ROBO2: variants seen among roughly 807,000 people sequenced by gnomAD.
ROBO2 encodes the protein roundabout guidance receptor 2, also known as roundabout homolog 2.
Under a neutral mutation model 160.8 loss-of-function variants are expected in ROBO2, and 53 were observed. The observed-to-expected ratio is 0.33, with a 90% CI of 0.26 to 0.41. ROBO2 has a LOEUF of 0.41. Among genes scored for constraint, ROBO2 ranks in the 10% least tolerant of loss-of-function variants. The pLI is 1.00. For missense variants in ROBO2, 1,577 were observed against 1,722.4 expected, an observed-to-expected ratio of 0.92 and a Z score of 1.49; for synonymous variants, 664 against 611.7, an observed-to-expected ratio of 1.09 and a Z score of -1.26.
chr3:77,522,645 G>A (rs2090722238), intron 5 of ROBO2, 130 bp from the exon 6 acceptor site: 1 of 880,496 alleles, frequency 1.1e-6, no homozygotes, highest in Non-Finnish European at 1.8e-6. Context: ...GCACTTTGTG[G>A]CTGATTTGTG....
chr3:77,637,426 T>A (rs1430268660), intron 24 of ROBO2, among the ~76,000 whole-genome samples: 1 of 152,220 alleles, frequency 6.6e-6, no homozygotes, highest in African/African-American at 2.4e-5. Flanking sequence ...CCGGTTTACT[T>A]ATCTTTCCTG....
chr3:76,904,766 C>T (rs2075477485), intron 2 of ROBO2, among the ~76,000 whole-genome samples: 1 of 152,102 alleles, frequency 6.6e-6, no homozygotes, highest in Non-Finnish European at 1.5e-5. Context: ...GTGAGCCTTT[C>T]CCACGCAAAG....
At chr3:76,129,844 A>G (rs1474709377) in intron 2 of ROBO2, among the ~76,000 whole-genome samples, 1 of 151,968 alleles carries the variant, frequency 6.6e-6, no homozygotes, top group Non-Finnish European at 1.5e-5. Flanking sequence ...TTCCCGTCCT[A>G]GCACCAGGAT....
intron 2 of ROBO2, chr3:77,316,723 T>A (rs551956316): frequency 5.4e-4 from 480 of 893,754 alleles, no homozygotes; most frequent in Non-Finnish European, 7.3e-4. Flanking sequence ...TGCAAAATAG[T>A]TTAAATTAAA....
At chr3:77,344,043 T>C (rs764671785) in intron 2 of ROBO2, among the ~76,000 whole-genome samples, 1 of 152,084 alleles carries the variant, frequency 6.6e-6, no homozygotes, top group Non-Finnish European at 1.5e-5. Flanking sequence ...TAATAAATGA[T>C]TAGTAAATAA....
At chr3:76,225,669 G>T (rs192207199) in intron 2 of ROBO2, among the ~76,000 whole-genome samples, 4 of 151,948 alleles carry the variant, frequency 2.6e-5, no homozygotes, top group African/African-American at 9.7e-5. Flanking sequence ...AGCCAAGATC[G>T]CACCACTGCA....
At chr3:76,298,462 G>T (rs1709194827) in intron 2 of ROBO2, among the ~76,000 whole-genome samples, 2 of 152,120 alleles carry the variant, frequency 1.3e-5, no homozygotes, top group South Asian at 2.1e-4. Context: ...GATGAGGGAG[G>T]TTGTTTGAAA....
chr3:77,629,545 A>C (rs1161228858), intron 23 of ROBO2: 8 of 152,212 alleles, frequency 5.3e-5, no homozygotes, highest in Non-Finnish European at 1.2e-4. Context: ...CACTCCAAAG[A>C]AACTTAGCTG....
intron 24 of ROBO2, among the ~76,000 whole-genome samples, chr3:77,642,457 A>G (rs774681875): frequency 6.6e-6 from 1 of 152,188 alleles, no homozygotes; most frequent in African/African-American, 2.4e-5. Context: ...GTTGAATAAA[A>G]CTAGTCAATT....
intron 2 of ROBO2, among the ~76,000 whole-genome samples, chr3:76,127,050 C>T (rs1026573045): frequency 1.4e-4 from 22 of 152,136 alleles, no homozygotes; most frequent in African/African-American, 5.3e-4. Flanking sequence ...ATTCTATCAT[C>T]AAATACTATT....
intron 2 of ROBO2, among the ~76,000 whole-genome samples, chr3:76,611,244 T>G (rs2109080923): frequency 6.6e-6 from 1 of 152,224 alleles, no homozygotes; most frequent in Middle Eastern, 3.4e-3. Flanking sequence ...GAAGGTCAGA[T>G]TTCACTGAGG....
chr3:76,308,968 A>G (rs1391992450), intron 2 of ROBO2, among the ~76,000 whole-genome samples: 1 of 152,230 alleles, frequency 6.6e-6, no homozygotes, highest in Non-Finnish European at 1.5e-5. Context: ...ACCTTTCAGA[A>G]AAATTCAACA....
chr3:77,526,427 T>C (rs1190378284), intron 6 of ROBO2, among the ~76,000 whole-genome samples: 1 of 151,542 alleles, frequency 6.6e-6, no homozygotes. Context: ...CGAAACACTG[T>C]TGAAGAAATT....
chr3:76,964,248 A>G (rs761708076), intron 2 of ROBO2, among the ~76,000 whole-genome samples: 3 of 152,202 alleles, frequency 2.0e-5, no homozygotes, highest in Non-Finnish European at 4.4e-5. Context: ...ATAGGTTTTA[A>G]TTCATATTAA....
intron 2 of ROBO2, among the ~76,000 whole-genome samples, chr3:76,522,168 T>A (rs908282209): frequency 1.3e-5 from 2 of 152,164 alleles, no homozygotes; most frequent in African/African-American, 2.4e-5. Flanking sequence ...GGGCCCCTCC[T>A]CACCCTAACA....
At chr3:76,694,102 G>A (rs991367922) in intron 2 of ROBO2, among the ~76,000 whole-genome samples, 1 of 152,154 alleles carries the variant, frequency 6.6e-6, no homozygotes, top group African/African-American at 2.4e-5. Flanking sequence ...GGAGAGAAAG[G>A]CTTACTGCAT....
At chr3:77,096,306 A>G (rs12631847) in intron 1 of ROBO2, among the ~76,000 whole-genome samples, 38,715 of 152,008 alleles carry the variant, frequency 0.25, 5,421 homozygotes, top group East Asian at 0.55. Flanking sequence ...CTTTTTATTT[A>G]CTTGGAGCAG....
At chr3:77,567,210 G>A (rs527397019) in intron 12 of ROBO2, among the ~76,000 whole-genome samples, 5 of 152,006 alleles carry the variant, frequency 3.3e-5, no homozygotes, top group South Asian at 2.1e-4. Context: ...AAATACTTTC[G>A]CGAGAGTGCT....
chr3:76,750,248 CCTT>C (rs2093961229), intron 2 of ROBO2, among the ~76,000 whole-genome samples: 1 of 152,210 alleles, frequency 6.6e-6, no homozygotes, highest in Admixed American at 6.6e-5. Context: ...ATTCAACAGT[CCTT>C]CATGCTAAAA....
Sources: allele counts gnomAD v4.1 joint callset (sites outside exome capture counted in the v4.1 genomes callset), GRCh38; gene constraint gnomAD v4.1.1; transcripts MANE v1.5; gene names NCBI Gene and HGNC (gene_info 2026-07-23, HGNC 2026-07-21).